PRSS36: variants seen among roughly 807,000 people sequenced by gnomAD.
PRSS36 encodes the protein polyserase-2.
PRSS36 carries 90 observed loss-of-function variants against 94.3 expected under a neutral mutation model. The ratio of observed to expected loss-of-function variants is 0.95; its 90% CI spans 0.80 to 1.14. The LOEUF (loss-of-function observed/expected upper bound fraction) is 1.14, where lower values mean the gene tolerates loss of function less well. PRSS36 is among the 50% of genes most tolerant of loss of function. The probability of loss-of-function intolerance (pLI) is 0.00; values close to 1 mark genes in which losing one functional copy is unlikely to be tolerated. For missense variants in PRSS36, 1,158 were observed against 1,135.0 expected (o/e 1.02, Z -0.29); for synonymous variants, 500 against 489.6 (o/e 1.02, Z -0.28).
intron 3 of PRSS36, 92 bp from the exon 4 acceptor site, chr16:31,149,327 A>G: frequency 2.0e-6 from 3 of 1,513,256 alleles, no homozygotes; most frequent in East Asian, 2.3e-5. Context: ...TCCTCCACCC[A>G]CTTCAGTTTG....
At chr16:31,142,251 T>A (rs1321435811) in intron 10 of PRSS36, among the ~76,000 whole-genome samples, 2 of 151,742 alleles carry the variant, frequency 1.3e-5, no homozygotes, top group Non-Finnish European at 2.9e-5. Flanking sequence ...TGGCCCCGCT[T>A]CCACCCCGGC....
chr16:31,139,550 T>C, intron 14 of PRSS36, 134 bp from the exon 15 acceptor site: 1 of 1,064,194 alleles, frequency 9.4e-7, no homozygotes, highest in Non-Finnish European at 1.3e-6. Context: ...CTCTCCCGGG[T>C]CCAGCTAGGG....
chr16:31,143,872 C>A, intron 6 of PRSS36, 35 bp from the exon 7 acceptor site: 2 of 1,610,230 alleles, frequency 1.2e-6, no homozygotes, highest in South Asian at 1.1e-5. Context: ...AGGGGTCAGC[C>A]CAGGGACCTA....
chr16:31,139,046 TTGAGGTTCCAGCCGGCTG>T lies in PRSS36; in HGVS notation c.*74_*91del. ...GCTGCAATCTCGGTGGGTGGGGCCC[TTGAGGTTCCAGCCGGCTG>T]GGCCACATTCCAGCCCCACTGGGCG... On this transcript the variant is annotated 3_prime_UTR_variant, in exon 15 of 15. Coordinates refer to ENST00000268281, the MANE Select transcript of PRSS36 (RefSeq NM_173502.5). 7.2e-7 allele frequency: 1 copy of T among 1,381,406 alleles called. No individual in the cohort carries two copies. Among genetic ancestry groups the T allele is most frequent in the Non-Finnish European group, 9.7e-7 (1 of 1,030,100 alleles). The allele number at this position is 1,381,406 out of a possible 1,614,324, so 85.6% of individuals were successfully genotyped here.
intron 1 of PRSS36, 34 bp from the exon 2 acceptor site, chr16:31,149,765 C>A (rs553497011): frequency 6.2e-7 from 1 of 1,613,974 alleles, no homozygotes; most frequent in Non-Finnish European, 8.5e-7. Flanking sequence ...AAGAGGCTGG[C>A]GACTCGCACT....
At position 31,141,738 on chromosome 16, in the gene PRSS36, G is replaced by A. The variant is rs777963110; in HGVS notation, c.1744C>T (p.His582Tyr). Residue 582 changes from histidine to tyrosine, a missense_variant, in exon 11 of 15, where the codon CAC (histidine) becomes TAC (tyrosine). Coordinates refer to ENST00000268281, the MANE Select transcript of PRSS36 (RefSeq NM_173502.5). ...EETETQTCPP[H>Y]TEHGACGLRL... ...TCCTGCTCACCACCATGCTCTGTGT[G>A]TGGGGGACAAGTCTGTGTCTCAGTC... 3.1e-6 allele frequency: 5 copies of A among 1,613,500 alleles called. No individual in the cohort carries two copies. The highest frequency in any genetic ancestry group is 1.3e-5 in the African/African-American group (1 of 74,924).
rs528574649 is a variant in PRSS36, at chr16:31,139,481, C to G, written c.2290-65G>C. On this transcript the variant is annotated intron_variant, in intron 14 of 14. Coordinates refer to ENST00000268281, the MANE Select transcript of PRSS36 (RefSeq NM_173502.5). ...TCCTCTTGGTCCCCTCCCCCTTTCC[C>G]CAGGGTCTGGCCACGAAGCACTCTG... The G allele has an allele frequency of 1.7e-4, 272 of 1,560,412 alleles. 1 individual carries two copies. In the African/African-American group the frequency reaches 3.4e-3, roughly 20 times the overall value.
intron 6 of PRSS36, 34 bp from the exon 7 acceptor site, chr16:31,143,871 C>T (rs754037296): frequency 1.4e-5 from 23 of 1,610,320 alleles, no homozygotes; most frequent in Non-Finnish European, 1.9e-5. Flanking sequence ...AAGGGGTCAG[C>T]CCAGGGACCT....
In PRSS36 at chr16:31,139,213, T is replaced by C. The variant is rs1567441894; in HGVS notation, c.2493A>G (p.Pro831=). Residue 831 remains proline, a synonymous_variant, in exon 15 of 15, where the codon CCA becomes CCG. Transcript: ENST00000268281. ...WPTGGSNLCP[P]ELAKASGSPH... is the part of the protein sequence containing the mutation. ...GGGATCCCGAGGCCTTGGCCAGTTC[T>C]GGGGGGCAGAGATTGCTGCCTCCAG... The C allele has an allele frequency of 2.5e-6, 4 of 1,613,346 alleles. No individual in the cohort carries two copies. Among genetic ancestry groups the C allele is most frequent in the South Asian group, 2.2e-5 (2 of 91,058 alleles).
chr16:31,143,061 C>G, intron 8 of PRSS36, 68 bp from the exon 9 acceptor site: 1 of 1,384,932 alleles, frequency 7.2e-7, no homozygotes, highest in Non-Finnish European at 9.3e-7. Flanking sequence ...CACACCCCGG[C>G]TTAGACTTGC....
intron 12 of PRSS36, among the ~76,000 whole-genome samples, chr16:31,141,193 A>G (rs1431006169): frequency 6.6e-6 from 1 of 152,096 alleles, no homozygotes; most frequent in Non-Finnish European, 1.5e-5. Context: ...AAGTGCTAGG[A>G]TTACAGGTGT....
chr16:31,139,963 G>A lies in PRSS36; in HGVS notation c.2289+331C>T, dbSNP rs912481628. On this transcript the variant is annotated intron_variant, in intron 14 of 14. Coordinates refer to ENST00000268281, the MANE Select transcript of PRSS36 (RefSeq NM_173502.5). ...TAATCCCAGCACTTTGGGAGGCCGAGGCCGGCGGATCACGAGATCAGATCA... is the reference window on the plus strand; with the variant it reads ...TAATCCCAGCACTTTGGGAGGCCGAAGCCGGCGGATCACGAGATCAGATCA... 5.9e-5 allele frequency among the ~76,000 whole-genome samples: 9 copies of A among 151,414 alleles called. No homozygotes were observed. The South Asian group carries it at 1.9e-3, about 32-fold the overall frequency.
Position 31,142,640 on chromosome 16 carries a change from G to C in PRSS36, c.1362C>G (p.Pro454=). Residue 454 remains proline, a synonymous_variant, in exon 10 of 15, where the codon CCC becomes CCG. Coordinates refer to ENST00000268281, the MANE Select transcript of PRSS36 (RefSeq NM_173502.5). ...CCAGCAGCGCGCCTGGGCCAAGCGC[G>C]GGTTCTGGAAGGGAAAAGGCAGGGA... The part of the protein sequence containing the change: ...CRLARWGRGE[P]ALGPGALLEA... 2 of 1,475,718 alleles carry C rather than the reference G, an allele frequency of 1.4e-6. No individual in the cohort carries two copies. The highest frequency in any genetic ancestry group is 1.8e-6 in the Non-Finnish European group (2 of 1,116,186). The allele number at this position is 1,475,718 out of a possible 1,614,324, so 91.4% of individuals were successfully genotyped here.
At chr16:31,141,074 C>A (rs1040590637) in intron 12 of PRSS36, among the ~76,000 whole-genome samples, 1 of 152,140 alleles carries the variant, frequency 6.6e-6, no homozygotes, top group Non-Finnish European at 1.5e-5. Flanking sequence ...TTACAGGCGC[C>A]TGCCACCACC....
Position 31,150,041 on chromosome 16 carries a change from TAG to T in PRSS36, c.-8_-7del, listed in dbSNP as rs778036360. On this transcript the variant is annotated 5_prime_UTR_variant, in exon 1 of 15. Coordinates refer to ENST00000268281, the MANE Select transcript of PRSS36 (RefSeq NM_173502.5). ...AGGAGCAGGTGCCGGGCCATGGCGC[TAG>T]AGTCAGCGGAGGCAGAGCCAAGTGA... The T allele has an allele frequency of 2.5e-6, 4 of 1,613,704 alleles. No individual in the cohort carries two copies. The South Asian group carries it at 4.4e-5, about 18-fold the overall frequency.
chr16:31,143,431 C>G lies in PRSS36; in HGVS notation c.1011G>C (p.Glu337Asp). ...TGGATCCTGGCACCATCACCTGGGC[C>G]TCCCAGGGCCAGGCCCCTGGCCGCG... ...KAPRPGAWPW[E>D]AQVMVPGSRP... Residue 337 changes from glutamate (E) to aspartate (D), a missense_variant, in exon 8 of 15, where the codon GAG becomes GAC. Transcript: ENST00000268281. 1 of 1,612,498 alleles carries G rather than the reference C, an allele frequency of 6.2e-7. No individual in the cohort carries two copies. The highest frequency in any genetic ancestry group is 2.2e-5 in the East Asian group (1 of 44,862).
At chr16:31,144,555 G>A (rs1308627908) in intron 6 of PRSS36, among the ~76,000 whole-genome samples, 2 of 152,104 alleles carry the variant, frequency 1.3e-5, no homozygotes, top group South Asian at 2.1e-4. Flanking sequence ...TGATCCTCCC[G>A]CCTCAATTTT....
chr16:31,140,190 A>T, intron 14 of PRSS36, 104 bp downstream of exon 14: 2 of 872,468 alleles, frequency 2.3e-6, no homozygotes, highest in Non-Finnish European at 3.1e-6. Flanking sequence ...ACTCTGTCTC[A>T]AAAAAAAAAA....
chr16:31,146,787 C>T lies in PRSS36; in HGVS notation c.554-832G>A, dbSNP rs556143994. On this transcript the variant is annotated intron_variant, in intron 5 of 14. Coordinates refer to ENST00000268281, the MANE Select transcript of PRSS36 (RefSeq NM_173502.5). ...CTGAGGTTAGGAGTTCAAAACTAGC[C>T]TGCCCAACATAGTGAAACCCTGTCT... Among the ~76,000 whole-genome samples the T allele has an allele frequency of 6.3e-3, 964 of 152,212 alleles. 5 individuals carry two copies. Among genetic ancestry groups the T allele is most frequent in the Non-Finnish European group, 0.011 (742 of 68,016 alleles).
Sources: gnomAD v4.1 joint callset for allele counts (sites outside exome capture counted in the v4.1 genomes callset) on GRCh38, gnomAD v4.1.1 for gene constraint, MANE v1.5 for transcripts, NCBI Gene and HGNC (gene_info 2026-07-23, HGNC 2026-07-21) for gene names.